STK31: variants seen among roughly 807,000 people sequenced by gnomAD.
The protein encoded by STK31 is serine/threonine-protein kinase 31.
Under a neutral mutation model 129.7 loss-of-function variants are expected in STK31, and 89 were observed. The ratio of observed to expected loss-of-function variants is 0.69; its 90% CI spans 0.58 to 0.82. The LOEUF (loss-of-function observed/expected upper bound fraction) is 0.82. Among genes scored for constraint, STK31 ranks in the 40% least tolerant of loss-of-function variants. STK31 has a pLI of 0.00. For missense variants in STK31, 1,187 were observed against 1,176.4 expected (o/e 1.01, Z -0.13); for synonymous variants, 448 against 395.3 (o/e 1.13, Z -1.58).
rs70956911 is a variant in STK31, at chr7:23,717,097, C to CTTTTTTTT, written c.151-363_151-356dup. ...TACAGGTGTGAGCCATCGCAACCTG[C>CTTTTTTTT]TTTTTTTTTTTTTTTTTTTTTTTTT... On this transcript the variant is annotated intron_variant, in intron 3 of 23. Transcript: ENST00000355870. 1.1e-3 allele frequency among the ~76,000 whole-genome samples: 49 copies of CTTTTTTTT among 42,942 alleles called. 4 individuals carry two copies. The highest frequency in any genetic ancestry group is 2.3e-3 in the African/African-American group (22 of 9,718). 28.2% of individuals were successfully genotyped at this position (42,942 alleles called of 152,430 possible). A position where few individuals can be genotyped will look rare whatever the true frequency, so the allele number is the denominator to read the frequency against.
At chr7:23,810,308 T>C (rs1028265644) in intron 22 of STK31, among the ~76,000 whole-genome samples, 109 of 152,022 alleles carry the variant, frequency 7.2e-4, no homozygotes, top group African/African-American at 2.4e-3. Flanking sequence ...GTAAGTTTCT[T>C]GTAAATAACA....
At chr7:23,716,172 T>G (rs758299393) in intron 3 of STK31, among the ~76,000 whole-genome samples, 20 of 152,210 alleles carry the variant, frequency 1.3e-4, no homozygotes, top group Admixed American at 2.0e-4. Context: ...CCTCAGTTTT[T>G]CCTTGTATTT....
At chr7:23,718,263 C>T (rs529976088) in intron 4 of STK31, among the ~76,000 whole-genome samples, 1 of 152,146 alleles carries the variant, frequency 6.6e-6, no homozygotes, top group Non-Finnish European at 1.5e-5. Context: ...AAACTAGATT[C>T]CTTGCATTTG....
intron 23 of STK31, among the ~76,000 whole-genome samples, chr7:23,828,396 G>C (rs1794312535): frequency 6.6e-6 from 1 of 152,236 alleles, no homozygotes. Context: ...TCCGAGCCAT[G>C]TGCCGGATAT....
intron 22 of STK31, among the ~76,000 whole-genome samples, chr7:23,799,934 C>T (rs746591503): frequency 5.3e-5 from 8 of 151,910 alleles, no homozygotes; most frequent in African/African-American, 9.7e-5. Context: ...GGATATAAAC[C>T]GACACTTCTC....
chr7:23,752,323 T>G (rs1788758787), intron 8 of STK31, among the ~76,000 whole-genome samples: 1 of 151,498 alleles, frequency 6.6e-6, no homozygotes, highest in Non-Finnish European at 1.5e-5. Context: ...AGCAGCTAGA[T>G]TCTATTATAT....
chr7:23,832,160 T>G lies in STK31; in HGVS notation c.2854T>G (p.Cys952Gly). Reference protein sequence around the residue: ...HLDDKVKSLLCSLICYRSSMT... With the variant: ...HLDDKVKSLLGSLICYRSSMT... ...GGATGATAAAGTCAAATCCCTCCTC[T>G]GTAGCTTGATATGTTATAGAAGTTC... The change falls in exon 24 of 24, where the codon TGT (cysteine) becomes GGT (glycine). Residue 952 changes from cysteine (C) to glycine (G), a missense_variant. Physicochemically the swap from Cys to Gly is radical, Grantham distance 159. Around this residue, in one of 5 missense-constraint regions of STK31, gnomAD observed 975 missense variants for 934.9 expected, o/e 1.04. Transcript: ENST00000355870. The G allele has an allele frequency of 1.9e-6, 3 of 1,614,012 alleles. No individual in the cohort carries two copies. The highest frequency in any genetic ancestry group is 2.5e-6 in the Non-Finnish European group (3 of 1,179,944).
intron 8 of STK31, among the ~76,000 whole-genome samples, chr7:23,747,379 A>ATTTTTAT (rs966184092): frequency 3.3e-5 from 5 of 151,688 alleles, no homozygotes; most frequent in African/African-American, 9.7e-5. Flanking sequence ...TTTTATTTTT[A>ATTTTTAT]TTTTTTTGGA....
intron 23 of STK31, among the ~76,000 whole-genome samples, chr7:23,821,202 G>GT (rs1258680122): frequency 6.6e-6 from 1 of 152,022 alleles, no homozygotes; most frequent in Admixed American, 6.6e-5. Context: ...TCCATTTTTA[G>GT]TTTTTTGGAA....
intron 22 of STK31, among the ~76,000 whole-genome samples, chr7:23,792,862 C>CA (rs962229591): frequency 6.6e-6 from 1 of 152,094 alleles, no homozygotes; most frequent in Non-Finnish European, 1.5e-5. Flanking sequence ...CCTGTCTCTA[C>CA]AAAAAATAGA....
chr7:23,769,134 C>T lies in STK31; in HGVS notation c.1556C>T (p.Ser519Phe), dbSNP rs1309218168. The T allele has an allele frequency of 6.2e-7, 1 of 1,611,504 alleles. No homozygotes were observed. Among genetic ancestry groups the T allele is most frequent in the East Asian group, 2.2e-5 (1 of 44,830 alleles). ...FTSVRSETDA[S>F]LHRLVAWFQR... ...AGTGTTAGAAGTGAAACAGACGCTTCTCTGCACCGTCTTGTAGCATGGTTC... is the reference window on the plus strand; with the variant it reads ...AGTGTTAGAAGTGAAACAGACGCTTTTCTGCACCGTCTTGTAGCATGGTTC... The change falls in exon 12 of 24, where the codon TCT (serine) becomes TTT (phenylalanine). Residue 519 changes from serine (S) to phenylalanine (F), a missense_variant. Physicochemically the swap from Ser to Phe is radical, Grantham distance 155. Transcript: ENST00000355870.
chr7:23,819,154 C>T (rs1385244423), intron 23 of STK31, among the ~76,000 whole-genome samples: 3 of 152,072 alleles, frequency 2.0e-5, no homozygotes, highest in Non-Finnish European at 4.4e-5. Flanking sequence ...TTTTCAGGAG[C>T]ATGTGTTATT....
chr7:23,774,969 G>T (rs1023471412), intron 15 of STK31, among the ~76,000 whole-genome samples: 2 of 152,148 alleles, frequency 1.3e-5, no homozygotes, highest in Non-Finnish European at 2.9e-5. Flanking sequence ...TGTAAGGAAG[G>T]TATCCAGTTT....
chr7:23,710,670 G>C, intron 1 of STK31: 1 of 1,120,076 alleles, frequency 8.9e-7, no homozygotes, highest in South Asian at 2.7e-5. Flanking sequence ...ACGTGTACCC[G>C]TTTCTTCCAA....
chr7:23,714,493 A>C (rs957671491), intron 3 of STK31, among the ~76,000 whole-genome samples: 5 of 152,242 alleles, frequency 3.3e-5, no homozygotes, highest in Non-Finnish European at 7.3e-5. Context: ...AGAAACTAAA[A>C]ATAGCAGGTG....
chr7:23,813,078 CTTTTTTTTTTT>C (rs70956924), intron 22 of STK31, among the ~76,000 whole-genome samples: 3 of 94,116 alleles, frequency 3.2e-5, no homozygotes, highest in African/African-American at 8.4e-5. Flanking sequence ...GCTCTCTGTT[CTTTTTTTTTTT>C]TTTTTTTTTG....
chr7:23,803,666 A>C (rs1189962592), intron 22 of STK31, among the ~76,000 whole-genome samples: 1 of 152,140 alleles, frequency 6.6e-6, no homozygotes, highest in Non-Finnish European at 1.5e-5. Context: ...CTTGTTGTAC[A>C]GATTATTTTG....
chr7:23,813,145 C>T (rs536019087), intron 22 of STK31, among the ~76,000 whole-genome samples: 29 of 110,346 alleles, frequency 2.6e-4, no homozygotes, highest in African/African-American at 9.8e-4. Flanking sequence ...TTGATCTGTT[C>T]TGAAGTTCAC....
intron 22 of STK31, among the ~76,000 whole-genome samples, chr7:23,810,883 A>G (rs1793086910): frequency 7.2e-6 from 1 of 139,704 alleles, no homozygotes; most frequent in African/African-American, 2.6e-5. Flanking sequence ...AAATATGTAT[A>G]ATATATATTT....
Sources: allele counts gnomAD v4.1 joint callset (sites outside exome capture counted in the v4.1 genomes callset), GRCh38; gene constraint gnomAD v4.1.1; regional missense constraint gnomAD v4.1.1; transcripts MANE v1.5; gene names NCBI Gene and HGNC (gene_info 2026-07-23, HGNC 2026-07-21).